MYO3B: variants seen among roughly 807,000 people sequenced by gnomAD.
MYO3B encodes myosin IIIB, also known as myosin-IIIb.
A neutral mutation model predicts 174.6 loss-of-function variants in MYO3B; 156 were observed. The observed-to-expected ratio is 0.89, with a 90% CI of 0.78 to 1.02. The LOEUF is 1.02. Ranked by LOEUF, MYO3B falls within the 50% of genes least tolerant of loss-of-function variation. The probability of loss-of-function intolerance (pLI) is 0.00; values close to 1 mark genes in which losing one functional copy is unlikely to be tolerated. For synonymous variants in MYO3B, 563 were observed against 569.1 expected, an observed-to-expected ratio of 0.99 and a Z score of 0.15; for missense variants, 1,632 against 1,639.4, an observed-to-expected ratio of 1.00 and a Z score of 0.08.
chr2:170,453,454 G>GAGAGAGAGAGAA (rs1683725927), intron 23 of MYO3B, among the ~76,000 whole-genome samples: 1 of 81,572 alleles, frequency 1.2e-5, no homozygotes, highest in East Asian at 4.3e-4. Context: ...ACACACACAC[G>GAGAGAGAGAGAA]AGAGAGAGAG....
At position 170,420,364 on chromosome 2, in the gene MYO3B, G is replaced by A. The variant is rs115430112; in HGVS notation, c.2650+12520G>A. 3.4e-3 allele frequency among the ~76,000 whole-genome samples: 511 copies of A among 152,254 alleles called. 5 individuals are homozygous for A. Among genetic ancestry groups the A allele is most frequent in the African/African-American group, 0.011 (444 of 41,532 alleles). Reference sequence around the variant, plus strand: ...TCCACATGGGTGAGGGAAGTTAGAGGGAAAAGTGAAATTGTTTCTGGATTA... The same window carrying A: ...TCCACATGGGTGAGGGAAGTTAGAGAGAAAAGTGAAATTGTTTCTGGATTA... On this transcript the variant is annotated intron_variant, in intron 22 of 34. Transcript: ENST00000408978.
chr2:170,448,931 G>C (rs780637926), intron 23 of MYO3B, among the ~76,000 whole-genome samples: 7 of 152,064 alleles, frequency 4.6e-5, no homozygotes, highest in Non-Finnish European at 1.0e-4. Flanking sequence ...AGTCCAGTAG[G>C]AATAATTATT....
intron 32 of MYO3B, among the ~76,000 whole-genome samples, chr2:170,574,479 C>A (rs1438046139): frequency 1.3e-5 from 2 of 151,792 alleles, no homozygotes; most frequent in African/African-American, 4.8e-5. Flanking sequence ...GTATTAAGAT[C>A]AAAGGTAATG....
chr2:170,244,042 A>T (rs1178386015), intron 7 of MYO3B, among the ~76,000 whole-genome samples: 1 of 152,158 alleles, frequency 6.6e-6, no homozygotes, highest in African/African-American at 2.4e-5. Context: ...CACTGCCATG[A>T]TGTCTACAAC....
At chr2:170,349,204 C>G (rs1484010790) in intron 8 of MYO3B, among the ~76,000 whole-genome samples, 1 of 152,146 alleles carries the variant, frequency 6.6e-6, no homozygotes, top group East Asian at 1.9e-4. Flanking sequence ...GTGATGCTTC[C>G]CCTGACTTCC....
intron 7 of MYO3B, among the ~76,000 whole-genome samples, chr2:170,303,345 C>A (rs1307091178): frequency 1.3e-5 from 2 of 152,154 alleles, no homozygotes; most frequent in East Asian, 3.8e-4. Context: ...GAAAGTGAAT[C>A]TCTGCCTCCT....
chr2:170,298,608 A>G (rs925247191), intron 7 of MYO3B, among the ~76,000 whole-genome samples: 3 of 148,268 alleles, frequency 2.0e-5, no homozygotes, highest in African/African-American at 7.5e-5. Flanking sequence ...TGGGAGGCAG[A>G]GCTTGCAGTG....
chr2:170,459,461 A>C (rs1684118022), intron 23 of MYO3B, among the ~76,000 whole-genome samples: 1 of 152,176 alleles, frequency 6.6e-6, no homozygotes. Flanking sequence ...TGATAGGTGC[A>C]TTTACAAACC....
intron 1 of MYO3B, among the ~76,000 whole-genome samples, chr2:170,187,430 C>T (rs2092479921): frequency 6.6e-6 from 1 of 152,120 alleles, no homozygotes; most frequent in Admixed American, 6.6e-5. Flanking sequence ...TGAGGTTTCA[C>T]CATGTTGGCC....
At chr2:170,261,573 A>T (rs1276575297) in intron 7 of MYO3B, among the ~76,000 whole-genome samples, 1 of 152,160 alleles carries the variant, frequency 6.6e-6, no homozygotes, top group Non-Finnish European at 1.5e-5. Flanking sequence ...GTGTGTTTTA[A>T]GTAGGGAGAC....
chr2:170,359,604 C>T (rs139499857), intron 8 of MYO3B, among the ~76,000 whole-genome samples: 20 of 152,268 alleles, frequency 1.3e-4, no homozygotes, highest in Non-Finnish European at 2.4e-4. Context: ...CTACTCATAT[C>T]CCTAGATGAG....
chr2:170,183,077 G>A (rs1401538203), intron 1 of MYO3B, among the ~76,000 whole-genome samples: 2 of 151,970 alleles, frequency 1.3e-5, no homozygotes, highest in African/African-American at 4.8e-5. Flanking sequence ...GCAACACTGT[G>A]AAACCCCGTC....
intron 23 of MYO3B, among the ~76,000 whole-genome samples, chr2:170,452,110 A>G (rs918156611): frequency 2.0e-5 from 3 of 152,154 alleles, no homozygotes; most frequent in African/African-American, 7.2e-5. Flanking sequence ...GTATCCCTCC[A>G]TAACAGCCAA....
At chr2:170,593,891 T>G (rs1406785405) in intron 32 of MYO3B, among the ~76,000 whole-genome samples, 1 of 152,198 alleles carries the variant, frequency 6.6e-6, no homozygotes, top group Non-Finnish European at 1.5e-5. Flanking sequence ...CTAGAGAATC[T>G]ATGTTATTTC....
chr2:170,406,685 T>C (rs948822516), intron 21 of MYO3B, among the ~76,000 whole-genome samples: 75 of 22,984 alleles, frequency 3.3e-3, no homozygotes, highest in Non-Finnish European at 7.0e-3. Flanking sequence ...CCCGTCTTCT[T>C]GACTCTTACT....
intron 32 of MYO3B, among the ~76,000 whole-genome samples, chr2:170,646,137 G>A (rs1367873933): frequency 2.0e-5 from 3 of 151,964 alleles, no homozygotes; most frequent in South Asian, 2.1e-4. Flanking sequence ...CGGGCGTGGC[G>A]GCACATGCCT....
chr2:170,648,230 C>T (rs1188007456), intron 32 of MYO3B, among the ~76,000 whole-genome samples: 1 of 152,176 alleles, frequency 6.6e-6, no homozygotes, highest in Non-Finnish European at 1.5e-5. Flanking sequence ...GCACAACAGG[C>T]TAGATTCCTG....
chr2:170,570,955 A>G lies in MYO3B; in HGVS notation c.3733+26967A>G, dbSNP rs77683373. 2.7e-3 allele frequency among the ~76,000 whole-genome samples: 418 copies of G among 152,328 alleles called. 9 individuals are homozygous for G. The East Asian group carries it at 0.056, about 20-fold the overall frequency. On this transcript the variant is annotated intron_variant, in intron 32 of 34. Transcript: ENST00000408978. ...TCTGTGAAACGAATGAGGCTATCCC[A>G]TCATCCTAAAAGGATCACCAATAAC...
intron 32 of MYO3B, among the ~76,000 whole-genome samples, chr2:170,638,560 T>G (rs146000475): frequency 6.6e-6 from 1 of 152,212 alleles, no homozygotes; most frequent in African/African-American, 2.4e-5. Context: ...GCGATTACTC[T>G]GGAGTTACAG....
Sources: allele counts gnomAD v4.1 joint callset (sites outside exome capture counted in the v4.1 genomes callset), GRCh38; gene constraint gnomAD v4.1.1; transcripts MANE v1.5; gene names NCBI Gene and HGNC (gene_info 2026-07-23, HGNC 2026-07-21).